The following CCDC169 variants were observed in gnomAD, a reference collection of about 807,000 sequenced individuals.
The protein encoded by CCDC169 is coiled-coil domain-containing protein 169.
A neutral mutation model predicts 36.0 loss-of-function variants in CCDC169; 30 were observed. The ratio of observed to expected loss-of-function variants is 0.83; its 90% CI spans 0.62 to 1.13. The LOEUF (loss-of-function observed/expected upper bound fraction) is 1.13. Ranked by LOEUF, CCDC169 falls within the 50% of genes most tolerant of loss-of-function variation. CCDC169 has a pLI of 0.00. For missense variants in CCDC169, 245 were observed against 245.9 expected (o/e 1.00, Z 0.03); for synonymous variants, 85 against 81.5 (o/e 1.04, Z -0.23).
At position 36,295,783 on chromosome 13, in the gene CCDC169, T is replaced by C; in HGVS notation, c.158A>G (p.Asn53Ser). 1.3e-6 allele frequency: 2 copies of C among 1,506,654 alleles called. No homozygotes were observed. Among genetic ancestry groups the C allele is most frequent in the Non-Finnish European group, 1.8e-6 (2 of 1,108,234 alleles). 93.3% of individuals were successfully genotyped at this position (1,506,654 alleles called of 1,614,324 possible). A position where few individuals can be genotyped will look rare whatever the true frequency, so the allele number is the denominator to read the frequency against. ...ATAAGTATTTACTTATATACCTTCA[T>C]TGTCAGTATTGAGTTTGGCTTCCAG... is the stretch of plus-strand genomic sequence containing the variant. Reference protein sequence around the residue: ...TELEAKLNTDNEGSEWKTRYE... With the variant: ...TELEAKLNTDSEGSEWKTRYE... The change falls in exon 2 of 8, where the codon AAT (asparagine) becomes AGT (serine). Residue 53 changes from asparagine to serine, a missense_variant. Physicochemically the swap from Asn to Ser is conservative, Grantham distance 46 (BLOSUM62 1). Transcript: ENST00000239859.
intron 2 of CCDC169, among the ~76,000 whole-genome samples, chr13:36,290,706 T>A (rs572299506): frequency 6.6e-6 from 1 of 152,270 alleles, no homozygotes; most frequent in African/African-American, 2.4e-5. Flanking sequence ...TAACTCAACT[T>A]TATAATCTTA....
rs144661397 is a variant in CCDC169 at position 36,285,377 on chromosome 13, C to T, written c.164-1675G>A. Among the ~76,000 whole-genome samples the T allele has an allele frequency of 1.1e-3, 174 of 151,956 alleles. 4 individuals carry two copies. In the East Asian group the frequency reaches 0.027, roughly 24 times the overall value. ...TAGCCTGGCCAATGTGGTGAAACCC[C>T]GTCTCTACTAAAGAATACAAAAATT... On this transcript the variant is annotated intron_variant, in intron 2 of 7. Transcript: ENST00000239859.
At chr13:36,260,065 T>C (rs1385171715) in intron 4 of CCDC169, among the ~76,000 whole-genome samples, 2 of 152,238 alleles carry the variant, frequency 1.3e-5, no homozygotes, top group African/African-American at 4.8e-5. Context: ...TTTTCATAGA[T>C]TATTTCATTT....
intron 4 of CCDC169, among the ~76,000 whole-genome samples, chr13:36,274,975 T>TC (rs746336330): frequency 4.5e-4 from 68 of 149,806 alleles, no homozygotes; most frequent in Non-Finnish European, 9.0e-4. Flanking sequence ...TTCACACCAT[T>TC]CTCCTGCCTC....
At chr13:36,263,371 T>C (rs1874844161) in intron 4 of CCDC169, among the ~76,000 whole-genome samples, 2 of 152,176 alleles carry the variant, frequency 1.3e-5, no homozygotes, top group African/African-American at 4.8e-5. Flanking sequence ...TCTAGGTCAC[T>C]AAATCTATTA....
intron 4 of CCDC169, among the ~76,000 whole-genome samples, chr13:36,269,481 T>A (rs1875762504): frequency 6.6e-6 from 1 of 152,012 alleles, no homozygotes; most frequent in Non-Finnish European, 1.5e-5. Context: ...AAAAGAAAAC[T>A]ACAGACCAAT....
At chr13:36,269,697 A>T (rs1052473735) in intron 4 of CCDC169, among the ~76,000 whole-genome samples, 1 of 152,252 alleles carries the variant, frequency 6.6e-6, no homozygotes, top group Non-Finnish European at 1.5e-5. Context: ...CAACAGATGC[A>T]GAAAAAGCAC....
intron 7 of CCDC169, among the ~76,000 whole-genome samples, chr13:36,242,675 G>C (rs1219800811): frequency 6.6e-6 from 1 of 151,976 alleles, no homozygotes; most frequent in African/African-American, 2.4e-5. Flanking sequence ...ATTTATGCCA[G>C]GCACTCTATT....
At chr13:36,230,256 G>A (rs1211378185), downstream of CCDC169, among the ~76,000 whole-genome samples, 1 of 152,166 alleles carries the variant, frequency 6.6e-6, no homozygotes, top group Non-Finnish European at 1.5e-5. Flanking sequence ...TAAATCTGAA[G>A]TCCAATGATT....
intron 4 of CCDC169, among the ~76,000 whole-genome samples, chr13:36,265,617 A>G (rs1044003667): frequency 6.6e-6 from 1 of 152,238 alleles, no homozygotes; most frequent in African/African-American, 2.4e-5. Context: ...GTCTTTAATT[A>G]TGGCACTAAT....
downstream of CCDC169, chr13:36,226,578 G>A (rs1593976047): frequency 6.6e-6 from 1 of 152,094 alleles, no homozygotes; most frequent in African/African-American, 2.4e-5. Flanking sequence ...CAGAGGCTGG[G>A]GACTCCTGAT....
intron 1 of CCDC169, among the ~76,000 whole-genome samples, chr13:36,296,766 A>G (rs915444336): frequency 6.6e-6 from 1 of 152,228 alleles, no homozygotes; most frequent in Non-Finnish European, 1.5e-5. Context: ...AGTTCTTTAT[A>G]GTGCATTTCA....
intron 7 of CCDC169, among the ~76,000 whole-genome samples, chr13:36,242,731 A>T (rs949896088): frequency 6.6e-6 from 1 of 152,190 alleles, no homozygotes; most frequent in Non-Finnish European, 1.5e-5. Flanking sequence ...TCTGGGATCA[A>T]GCACAAGCAG....
intron 2 of CCDC169, among the ~76,000 whole-genome samples, chr13:36,292,663 C>T (rs552897991): frequency 1.3e-5 from 2 of 152,266 alleles, no homozygotes; most frequent in African/African-American, 4.8e-5. Context: ...AAAAACTACT[C>T]TTTTGAAGGC....
intron 7 of CCDC169, among the ~76,000 whole-genome samples, chr13:36,235,559 A>C (rs919288219): frequency 6.6e-6 from 1 of 151,998 alleles, no homozygotes. Flanking sequence ...TCTCTCTAAG[A>C]TAAGGAACAA....
intron 4 of CCDC169, among the ~76,000 whole-genome samples, chr13:36,256,758 ACCTCAC>A (rs1873934665): frequency 6.6e-6 from 1 of 152,032 alleles, no homozygotes; most frequent in African/African-American, 2.4e-5. Flanking sequence ...CTCTCTGTGG[ACCTCAC>A]CCTGGGCTGA....
At chr13:36,227,313 G>A (rs1021749636), downstream of CCDC169, 39 of 1,551,214 alleles carry the variant, frequency 2.5e-5, no homozygotes, top group Non-Finnish European at 3.2e-5. Context: ...AGCCACACCT[G>A]CAGCACTGAA....
chr13:36,234,441 C>T lies in CCDC169; in HGVS notation c.546-3149G>A, dbSNP rs530935662. Among the ~76,000 whole-genome samples, 24 of 152,130 alleles carry T rather than the reference C, an allele frequency of 1.6e-4. No homozygotes were observed. The South Asian group carries it at 4.2e-3, about 26-fold the overall frequency. ...AGATAGAATATTTGAAAAATAATAG[C>T]TAAAAATTTCCCAAATTTCATTAAA... On this transcript the variant is annotated intron_variant, in intron 7 of 7. Transcript: ENST00000239859.
chr13:36,290,067 T>C (rs887340111), intron 2 of CCDC169, among the ~76,000 whole-genome samples: 14 of 152,184 alleles, frequency 9.2e-5, no homozygotes, highest in Non-Finnish European at 1.8e-4. Flanking sequence ...ATCCTTGTGC[T>C]ATGAAGTTAC....
Sources: gnomAD v4.1 joint callset for allele counts (sites outside exome capture counted in the v4.1 genomes callset) on GRCh38, gnomAD v4.1.1 for gene constraint, MANE v1.5 for transcripts, NCBI Gene and HGNC (gene_info 2026-07-23, HGNC 2026-07-21) for gene names.